CHN1: variants seen among roughly 807,000 people sequenced by gnomAD.
The protein encoded by CHN1 is N-chimaerin.
In CHN1, 37 loss-of-function variants were observed where a neutral mutation model predicts 59.5. That is an observed-to-expected ratio of 0.62 (90% confidence interval 0.48 to 0.82). The LOEUF (loss-of-function observed/expected upper bound fraction) is 0.82. Among genes scored for constraint, CHN1 ranks in the 40% least tolerant of loss-of-function variants. The pLI is 0.00. For missense variants in CHN1, 469 were observed against 571.0 expected (o/e 0.82, Z 1.82); for synonymous variants, 206 against 200.4 (o/e 1.03, Z -0.24).
intron 6 of CHN1, among the ~76,000 whole-genome samples, chr2:174,862,852 GT>G (rs1687110183): frequency 6.6e-6 from 1 of 152,068 alleles, no homozygotes; most frequent in Non-Finnish European, 1.5e-5. Context: ...AGTATTCTTT[GT>G]TTTAGTAGTA....
Position 174,847,300 on chromosome 2 carries a change from G to A in CHN1, c.550-343C>T, listed in dbSNP as rs188850056. The A allele has an allele frequency of 4.4e-4, 588 of 1,342,202 alleles. 3 individuals carry two copies. In the African/African-American group the frequency reaches 7.9e-3, roughly 18 times the overall value. The allele number at this position is 1,342,202 out of a possible 1,614,324, so 83.1% of individuals were successfully genotyped here. A position where few individuals can be genotyped will look rare whatever the true frequency, so the allele number is the denominator to read the frequency against. On this transcript the variant is annotated intron_variant, in intron 6 of 12. Coordinates refer to ENST00000409900, the MANE Select transcript of CHN1 (RefSeq NM_001822.7). ...AGGAGGATGAAGCACTTCTTAAACA[G>A]AGGTCGACTAACCAGCAAATTCTTC...
intron 1 of CHN1, among the ~76,000 whole-genome samples, chr2:174,963,287 T>C (rs1013135878): frequency 6.6e-6 from 1 of 152,190 alleles, no homozygotes; most frequent in Admixed American, 6.5e-5. Context: ...AACATTGTCT[T>C]GTCTAAATGC....
chr2:174,885,445 A>G (rs1687868873), intron 5 of CHN1, among the ~76,000 whole-genome samples: 2 of 152,064 alleles, frequency 1.3e-5, no homozygotes, highest in Admixed American at 1.3e-4. Context: ...GATGACCTAT[A>G]TAATATGAAG....
chr2:174,995,309 T>G (rs1252918620), intron 1 of CHN1, among the ~76,000 whole-genome samples: 1 of 152,032 alleles, frequency 6.6e-6, no homozygotes, highest in Non-Finnish European at 1.5e-5. Context: ...CTCCAGAAAA[T>G]AAGCAATTCA....
At chr2:174,932,973 C>A (rs1255636379) in intron 3 of CHN1, among the ~76,000 whole-genome samples, 1 of 152,246 alleles carries the variant, frequency 6.6e-6, no homozygotes, top group South Asian at 2.1e-4. Context: ...TGGACATATT[C>A]CAAAGATAGA....
chr2:174,883,990 C>T (rs190299136), intron 5 of CHN1, among the ~76,000 whole-genome samples: 195 of 124,174 alleles, frequency 1.6e-3, no homozygotes, highest in Admixed American at 2.5e-3. Context: ...TTTTTTTAGA[C>T]GTAGTCTCGC....
intron 5 of CHN1, among the ~76,000 whole-genome samples, chr2:174,894,120 C>T (rs1245231344): frequency 2.9e-5 from 4 of 136,372 alleles, no homozygotes; most frequent in South Asian, 2.2e-4. Flanking sequence ...ACAAATGGCA[C>T]GACAGCACAA....
chr2:174,826,359 A>C (rs1685679412), intron 7 of CHN1, among the ~76,000 whole-genome samples: 1 of 152,210 alleles, frequency 6.6e-6, no homozygotes, highest in Non-Finnish European at 1.5e-5. Flanking sequence ...GGAATGAGTG[A>C]AGTAGGCAGT....
intron 7 of CHN1, among the ~76,000 whole-genome samples, chr2:174,840,489 C>G (rs551188957): frequency 6.6e-6 from 1 of 152,168 alleles, no homozygotes; most frequent in East Asian, 1.9e-4. Context: ...ATGACCTTCT[C>G]ATCATTCTCA....
intron 6 of CHN1, among the ~76,000 whole-genome samples, chr2:174,876,863 C>T (rs770379897): frequency 1.3e-5 from 2 of 152,194 alleles, no homozygotes; most frequent in African/African-American, 4.8e-5. Flanking sequence ...TCACTCCTCA[C>T]AGCAATTTGA....
At chr2:174,896,823 A>G (rs1023590573) in intron 5 of CHN1, among the ~76,000 whole-genome samples, 2 of 152,182 alleles carry the variant, frequency 1.3e-5, no homozygotes, top group Admixed American at 1.3e-4. Context: ...CTGTTTATCA[A>G]CAAATCCTCA....
At chr2:174,897,805 G>A (rs979797946) in intron 5 of CHN1, among the ~76,000 whole-genome samples, 1 of 152,082 alleles carries the variant, frequency 6.6e-6, no homozygotes, top group African/African-American at 2.4e-5. Context: ...ATTCTCTTCT[G>A]GGACTATTAA....
chr2:174,890,122 A>G (rs1178362463), intron 5 of CHN1, among the ~76,000 whole-genome samples: 1 of 152,184 alleles, frequency 6.6e-6, no homozygotes, highest in Non-Finnish European at 1.5e-5. Flanking sequence ...CAGTTGAAAG[A>G]TAGAGAGTGG....
intron 1 of CHN1, among the ~76,000 whole-genome samples, chr2:174,962,773 G>C (rs1193630564): frequency 6.7e-6 from 1 of 150,192 alleles, no homozygotes; most frequent in African/African-American, 2.4e-5. Context: ...AGCCGGGCAT[G>C]ATGGCATGCA....
intron 7 of CHN1, among the ~76,000 whole-genome samples, chr2:174,832,287 G>A (rs1685905494): frequency 2.0e-5 from 3 of 151,858 alleles, no homozygotes; most frequent in Admixed American, 2.0e-4. Flanking sequence ...AAAAAATTCT[G>A]TTTTTCTTCT....
chr2:174,950,642 T>C (rs1026358280), intron 2 of CHN1, among the ~76,000 whole-genome samples: 20 of 152,134 alleles, frequency 1.3e-4, no homozygotes, highest in African/African-American at 4.8e-4. Context: ...TAATTGATAT[T>C]TTTCATGGAG....
At chr2:174,912,699 G>A (rs556904572) in intron 5 of CHN1, among the ~76,000 whole-genome samples, 1 of 152,266 alleles carries the variant, frequency 6.6e-6, no homozygotes, top group South Asian at 2.1e-4. Context: ...ATATATCGGT[G>A]CAACTTCTAT....
chr2:174,972,575 A>T (rs1301081155), intron 1 of CHN1, among the ~76,000 whole-genome samples: 1 of 152,194 alleles, frequency 6.6e-6, no homozygotes, highest in African/African-American at 2.4e-5. Context: ...AAGAAGGTGA[A>T]GTGGGTGGCA....
chr2:174,894,985 C>T (rs1194140784), intron 5 of CHN1, among the ~76,000 whole-genome samples: 1 of 151,744 alleles, frequency 6.6e-6, no homozygotes, highest in Non-Finnish European at 1.5e-5. Flanking sequence ...AGCTACCCAC[C>T]TGTTAGTCAC....
Sources: allele counts gnomAD v4.1 joint callset (sites outside exome capture counted in the v4.1 genomes callset), GRCh38; gene constraint gnomAD v4.1.1; transcripts MANE v1.5; gene names NCBI Gene and HGNC (gene_info 2026-07-23, HGNC 2026-07-21).